Variants in CERKL observed in about 807,000 individuals in gnomAD.
CERKL encodes ceramide kinase-like protein.
Under a neutral mutation model 63.4 loss-of-function variants are expected in CERKL, and 61 were observed. The observed-to-expected ratio is 0.96, with a 90% CI of 0.78 to 1.19. CERKL has a LOEUF of 1.19. Ranked by LOEUF, CERKL falls within the 50% of genes most tolerant of loss-of-function variation. The pLI, the probability that CERKL is intolerant of heterozygous loss-of-function variation, is 0.00. For synonymous variants in CERKL, 250 were observed against 230.5 expected (o/e 1.08, Z -0.77); for missense variants, 675 against 655.5 (o/e 1.03, Z -0.33).
intron 2 of CERKL, among the ~76,000 whole-genome samples, chr2:181,579,355 G>T (rs1684401187): frequency 6.6e-6 from 1 of 151,930 alleles, no homozygotes; most frequent in African/African-American, 2.4e-5. Flanking sequence ...TACTGTATGT[G>T]ACTCTAATTT....
intron 2 of CERKL, among the ~76,000 whole-genome samples, chr2:181,599,534 C>G (rs1318079566): frequency 4.8e-5 from 6 of 124,100 alleles, no homozygotes; most frequent in African/African-American, 1.5e-4. Context: ...GAGACTCCAT[C>G]TCAAAACAAA....
intron 1 of CERKL, among the ~76,000 whole-genome samples, chr2:181,627,615 G>A (rs1236693453): frequency 6.6e-6 from 1 of 152,078 alleles, no homozygotes; most frequent in Non-Finnish European, 1.5e-5. Flanking sequence ...TTCTTTTGAC[G>A]AAAACTAATA....
chr2:181,653,453 A>T (rs1688020621), intron 1 of CERKL, among the ~76,000 whole-genome samples: 1 of 152,250 alleles, frequency 6.6e-6, no homozygotes, highest in African/African-American at 2.4e-5. Context: ...AGAGATCTGC[A>T]ATCCCATATT....
At chr2:181,575,224 G>T (rs1357608566) in intron 2 of CERKL, among the ~76,000 whole-genome samples, 1 of 152,198 alleles carries the variant, frequency 6.6e-6, no homozygotes, top group East Asian at 1.9e-4. Flanking sequence ...GGTCAGTGCT[G>T]CACAGTTCAA....
At chr2:181,611,589 G>A (rs1056982903) in intron 1 of CERKL, among the ~76,000 whole-genome samples, 2 of 152,180 alleles carry the variant, frequency 1.3e-5, no homozygotes, top group Admixed American at 6.5e-5. Context: ...GGAGGCTGAG[G>A]TAGGAGGATT....
At chr2:181,539,820 T>G (rs958602503) in intron 11 of CERKL, among the ~76,000 whole-genome samples, 1 of 152,234 alleles carries the variant, frequency 6.6e-6, no homozygotes, top group African/African-American at 2.4e-5. Flanking sequence ...CACTGTTTAC[T>G]TACCACTATA....
chr2:181,581,127 C>T (rs1306079455), intron 2 of CERKL, among the ~76,000 whole-genome samples: 4 of 152,256 alleles, frequency 2.6e-5, no homozygotes, highest in African/African-American at 4.8e-5. Flanking sequence ...TCTTTGCCAG[C>T]GTAGCATCTT....
At chr2:181,611,556 T>A (rs1420284887) in intron 1 of CERKL, among the ~76,000 whole-genome samples, 1 of 151,828 alleles carries the variant, frequency 6.6e-6, no homozygotes. Context: ...ATGGTGGTGC[T>A]TTCCTGTGGT....
chr2:181,604,316 A>G (rs183298723), intron 1 of CERKL, among the ~76,000 whole-genome samples: 1 of 152,336 alleles, frequency 6.6e-6, no homozygotes, highest in Non-Finnish European at 1.5e-5. Flanking sequence ...AAGTTAAAAA[A>G]TAAAATGAAT....
chr2:181,558,474 C>A lies in CERKL; in HGVS notation c.820+92G>T, dbSNP rs915322469. The A allele has an allele frequency of 2.2e-6, 3 of 1,379,176 alleles. No homozygotes were observed. Among genetic ancestry groups the A allele is most frequent in the Non-Finnish European group, 3.1e-6 (3 of 977,078 alleles). The allele number at this position is 1,379,176 out of a possible 1,614,324, so 85.4% of individuals were successfully genotyped here. On this transcript the variant is annotated intron_variant, in intron 5 of 12. Transcript: ENST00000410087. The surrounding 1 kb of genome is among the most constrained non-coding windows in gnomAD (Gnocchi z 4.2). ...AAGTCTGGATCTTTCAAAGTCTGTT[C>A]ATTAATTCTGTGTTGTGCTGTCTAG...
chr2:181,561,269 G>C lies in CERKL; in HGVS notation c.678-2561C>G, dbSNP rs1002383051. 3.8e-4 allele frequency among the ~76,000 whole-genome samples: 58 copies of C among 152,188 alleles called. 1 individual carries two copies. The highest frequency in any genetic ancestry group is 3.4e-3 in the Admixed American group (52 of 15,282). ...ATTAAAGAAACAAAAAATTAGCTGA[G>C]CATGGTGGTGCATGCCTGTAATCCC... is the stretch of plus-strand genomic sequence containing the variant. On this transcript the variant is annotated intron_variant, in intron 4 of 12. Transcript: ENST00000410087.
At position 181,558,616 on chromosome 2, in the gene CERKL, C is replaced by T. The variant is rs762961333; in HGVS notation, c.770G>A (p.Arg257Gln). ...AQKNAGMETDRILTPVRAQLP... is the reference protein window; with the variant it reads ...AQKNAGMETDQILTPVRAQLP... ...CTGTGCTCTGACAGGAGTCAGGATTCGGTCTGTTTCCATCCCAGCATTCTT... is the reference window on the plus strand; with the variant it reads ...CTGTGCTCTGACAGGAGTCAGGATTTGGTCTGTTTCCATCCCAGCATTCTT... Residue 257 changes from arginine to glutamine, a missense_variant, in exon 5 of 13, where the codon CGA (arginine) becomes CAA (glutamine). Physicochemically the swap from Arg to Gln is conservative, Grantham distance 43 (BLOSUM62 1). Coordinates refer to ENST00000410087, the MANE Select transcript of CERKL (RefSeq NM_201548.5). This position sits in a 1 kb window ranked among gnomAD's most constrained non-coding sequence, Gnocchi z 4.2. The T allele has an allele frequency of 2.9e-5, 47 of 1,613,604 alleles. No homozygotes were observed. Among genetic ancestry groups the T allele is most frequent in the East Asian group, 1.6e-4 (7 of 44,840 alleles).
intron 1 of CERKL, among the ~76,000 whole-genome samples, chr2:181,622,255 C>T (rs976214449): frequency 1.5e-4 from 23 of 152,176 alleles, no homozygotes; most frequent in Admixed American, 6.5e-4. Flanking sequence ...TAGCTCAAGC[C>T]GCATGCTCTT....
rs1363570634 is a variant in CERKL at position 181,537,454 on chromosome 2, A to C, written c.*730T>G. On this transcript the variant is annotated 3_prime_UTR_variant, in exon 13 of 13. Transcript: ENST00000410087. ...TGTTACTTGTATCATGAATTTTAAAACCCTACCACTTTAAGAAGACAGGGA... is the reference window on the plus strand; with the variant it reads ...TGTTACTTGTATCATGAATTTTAAACCCCTACCACTTTAAGAAGACAGGGA... The C allele has an allele frequency of 6.7e-6, 3 of 448,394 alleles. No homozygotes were observed. Among genetic ancestry groups the C allele is most frequent in the South Asian group, 1.6e-5 (1 of 63,958 alleles). The allele number at this position is 448,394 out of a possible 1,614,324, so 27.8% of individuals were successfully genotyped here. A position where few individuals can be genotyped will look rare whatever the true frequency, so the allele number is the denominator to read the frequency against.
At chr2:181,572,579 A>G (rs1158156035) in intron 3 of CERKL, among the ~76,000 whole-genome samples, 2 of 152,220 alleles carry the variant, frequency 1.3e-5, no homozygotes, top group East Asian at 3.8e-4. Context: ...TCTTCAGTAG[A>G]AAGAAAACAT....
At chr2:181,570,556 T>C (rs1688860313) in intron 3 of CERKL, among the ~76,000 whole-genome samples, 1 of 152,178 alleles carries the variant, frequency 6.6e-6, no homozygotes, top group African/African-American at 2.4e-5. Context: ...AAAATAATTC[T>C]TTCCAGGTTC....
chr2:181,597,398 A>C (rs1340399456), intron 2 of CERKL, among the ~76,000 whole-genome samples: 1 of 152,184 alleles, frequency 6.6e-6, no homozygotes, highest in Non-Finnish European at 1.5e-5. Context: ...CTGACCACAG[A>C]CCTTGGATGC....
In CERKL at chr2:181,548,606, T is replaced by C. The variant is rs2105803582; in HGVS notation, c.1074-2A>G. On this transcript the variant is annotated splice_acceptor_variant, in intron 7 of 12. Coordinates refer to ENST00000410087, the MANE Select transcript of CERKL (RefSeq NM_201548.5). LOFTEE classifies it high-confidence loss of function. ...AATGATATTTCACAGTCTTCTGCCC[T>C]AAAATGTAATGAAATTTGTTATTAA... is the stretch of plus-strand genomic sequence containing the variant. The C allele has an allele frequency of 1.2e-6, 2 of 1,613,222 alleles. No individual in the cohort carries two copies. The highest frequency in any genetic ancestry group is 1.7e-6 in the Non-Finnish European group (2 of 1,179,392).
At chr2:181,555,117 A>G (rs762003715) in intron 5 of CERKL, among the ~76,000 whole-genome samples, 28 of 152,200 alleles carry the variant, frequency 1.8e-4, no homozygotes, top group Non-Finnish European at 3.1e-4. Context: ...TGAATTACAT[A>G]CTAAAACATA....
Sources: gnomAD v4.1 joint callset for allele counts (sites outside exome capture counted in the v4.1 genomes callset) on GRCh38, gnomAD v4.1.1 for gene constraint, Gnocchi (gnomAD v3.1) non-coding constraint, MANE v1.5 for transcripts, NCBI Gene and HGNC (gene_info 2026-07-23, HGNC 2026-07-21) for gene names.